The following MAOB variants were observed in gnomAD, a reference collection of about 807,000 sequenced individuals.
The protein encoded by MAOB is amine oxidase [flavin-containing] B.
In MAOB, 15 loss-of-function variants were observed where a neutral mutation model predicts 41.9. The ratio of observed to expected loss-of-function variants is 0.36; its 90% CI spans 0.24 to 0.55. The LOEUF is 0.55. Ranked by LOEUF, MAOB falls within the 20% of genes least tolerant of loss-of-function variation. MAOB has a pLI of 0.86. For synonymous variants in MAOB, 167 were observed against 144.2 expected (o/e 1.16, Z -1.13); for missense variants, 345 against 398.7 (o/e 0.87, Z 1.15).
chrX:43,779,194 T>C (rs777838473), intron 10 of MAOB, among the ~76,000 whole-genome samples: 2 of 111,898 alleles, frequency 1.8e-5, no homozygotes, highest in South Asian at 7.5e-4. Context: ...AAGAAATAAG[T>C]ACAGAAGTAG....
intron 3 of MAOB, among the ~76,000 whole-genome samples, chrX:43,823,320 G>A (rs1308411396): frequency 9.2e-6 from 1 of 108,450 alleles, no homozygotes; most frequent in Non-Finnish European, 1.9e-5. Context: ...TTACAGGTGT[G>A]TGCCACCACA....
chrX:43,879,328 G>T lies in MAOB; in HGVS notation c.46+2926C>A, dbSNP rs913566051. Among the ~76,000 whole-genome samples, 3 of 112,435 alleles carry T rather than the reference G, an allele frequency of 2.7e-5. No individual in the cohort carries two copies. The East Asian group carries it at 8.3e-4, about 31-fold the overall frequency. On this transcript the variant is annotated intron_variant, in intron 1 of 14. Transcript: ENST00000378069. ...ATCCCAAAGGGAGTGATTAAAATTTGCTGACAGCTTTAAAAATTATCAGGG... is the reference window on the plus strand; with the variant it reads ...ATCCCAAAGGGAGTGATTAAAATTTTCTGACAGCTTTAAAAATTATCAGGG...
chrX:43,810,364 A>T (rs962665179), intron 3 of MAOB, among the ~76,000 whole-genome samples: 4 of 110,312 alleles, frequency 3.6e-5, no homozygotes, highest in African/African-American at 1.3e-4. Context: ...ATGTAAATTA[A>T]TGTCACTCAC....
chrX:43,800,278 C>T (rs1324084211), intron 5 of MAOB, among the ~76,000 whole-genome samples: 2 of 110,943 alleles, frequency 1.8e-5, no homozygotes, highest in Non-Finnish European at 3.8e-5. Context: ...TAAAAGTTCT[C>T]TGAGGAGAGA....
chrX:43,783,037 A>G (rs1461397929), intron 8 of MAOB, among the ~76,000 whole-genome samples: 1 of 112,079 alleles, frequency 8.9e-6, no homozygotes, highest in African/African-American at 3.2e-5. Flanking sequence ...CCAATATCAT[A>G]CTGAATGGGC....
At chrX:43,881,646 C>T (rs1359585694) in intron 1 of MAOB, among the ~76,000 whole-genome samples, 2 of 111,947 alleles carry the variant, frequency 1.8e-5, no homozygotes, top group Non-Finnish European at 3.8e-5. Flanking sequence ...CCACCCTGCG[C>T]TAGGAGTGGG....
chrX:43,802,018 T>C (rs1244146932), intron 5 of MAOB, among the ~76,000 whole-genome samples, 154 bp downstream of exon 5: 1 of 113,009 alleles, frequency 8.8e-6, no homozygotes, highest in East Asian at 2.8e-4. Context: ...ATCTTCAGGG[T>C]AGGAGCCAAT....
At chrX:43,828,594 G>C (rs1301227692) in intron 3 of MAOB, among the ~76,000 whole-genome samples, 2 of 111,241 alleles carry the variant, frequency 1.8e-5, no homozygotes, top group African/African-American at 3.3e-5. Flanking sequence ...AGGGGAGAAG[G>C]GTTGAGGGCC....
At chrX:43,806,224 C>G (rs1302554461) in intron 3 of MAOB, among the ~76,000 whole-genome samples, 1 of 111,659 alleles carries the variant, frequency 9.0e-6, no homozygotes, top group Non-Finnish European at 1.9e-5. Context: ...TATCCACTAA[C>G]CATCCTTTTT....
chrX:43,857,540 T>C (rs888555341), intron 1 of MAOB, among the ~76,000 whole-genome samples: 1 of 110,853 alleles, frequency 9.0e-6, no homozygotes. Flanking sequence ...AAGGCTAACA[T>C]CCCCAAAGCA....
chrX:43,882,247 G>A lies in MAOB; in HGVS notation c.46+7C>T, dbSNP rs1349941803. The stretch of plus-strand genomic sequence containing the variant: ...AAGAGGAAGGAGGGCGCACAGCCGC[G>A]ACTAACCTGAGATGCCGCCCCCCAC... On this transcript the variant is annotated splice_region_variant and intron_variant, in intron 1 of 14. Coordinates refer to ENST00000378069, the MANE Select transcript of MAOB (RefSeq NM_000898.5). 3 of 1,209,098 alleles carry A rather than the reference G, an allele frequency of 2.5e-6. No individual in the cohort carries two copies. In the South Asian group the frequency reaches 5.3e-5, roughly 21 times the overall value.
chrX:43,829,032 A>G (rs766675470), intron 3 of MAOB, among the ~76,000 whole-genome samples: 6 of 111,869 alleles, frequency 5.4e-5, no homozygotes, highest in Non-Finnish European at 9.4e-5. Context: ...GAGAGCCTAA[A>G]TTATAGGTAA....
rs2034123962 is a variant in MAOB, at chrX:43,767,352, C to T, written c.*114G>A. ...AGTCAGAGTTGGATTTATCTTCATG[C>T]TCCCCGCCTCACTCCACACTATTTG... On this transcript the variant is annotated 3_prime_UTR_variant, in exon 15 of 15. Transcript: ENST00000378069. 1.5e-5 allele frequency: 11 copies of T among 735,453 alleles called. No homozygotes were observed. Among genetic ancestry groups the T allele is most frequent in the Non-Finnish European group, 1.7e-5 (9 of 514,420 alleles). 60.6% of individuals were successfully genotyped at this position (735,453 alleles called of 1,213,427 possible). A position where few individuals can be genotyped will look rare whatever the true frequency, so the allele number is the denominator to read the frequency against.
At chrX:43,864,184 T>C (rs2035350810) in intron 1 of MAOB, among the ~76,000 whole-genome samples, 1 of 111,788 alleles carries the variant, frequency 8.9e-6, no homozygotes, top group South Asian at 3.7e-4. Context: ...TATATTCATG[T>C]AAGTAAACGC....
intron 2 of MAOB, among the ~76,000 whole-genome samples, chrX:43,839,774 T>C (rs2035112008): frequency 8.9e-6 from 1 of 112,216 alleles, no homozygotes; most frequent in Non-Finnish European, 1.9e-5. Context: ...TTTTCTCAAA[T>C]AAATGAAAGA....
At chrX:43,835,896 A>G (rs2035067147) in intron 3 of MAOB, among the ~76,000 whole-genome samples, 1 of 111,890 alleles carries the variant, frequency 8.9e-6, no homozygotes, top group Admixed American at 9.5e-5. Flanking sequence ...AATGTTACTA[A>G]GGTTGCACAT....
At chrX:43,821,279 A>G (rs1273124169) in intron 3 of MAOB, among the ~76,000 whole-genome samples, 1 of 110,958 alleles carries the variant, frequency 9.0e-6, no homozygotes, top group African/African-American at 3.3e-5. Flanking sequence ...CCAAATGCTT[A>G]CCCTAGCACC....
At chrX:43,832,833 C>G (rs953985621) in intron 3 of MAOB, among the ~76,000 whole-genome samples, 6 of 111,097 alleles carry the variant, frequency 5.4e-5, no homozygotes, top group African/African-American at 2.0e-4. Flanking sequence ...AACTGTTTAT[C>G]CTACTTAAAA....
At position 43,767,721 on chromosome X, in the gene MAOB, G is replaced by A. The variant is rs5952671; in HGVS notation, c.1411-103C>T. 1,301 of 700,113 alleles carry A rather than the reference G, an allele frequency of 1.9e-3. 4 individuals are homozygous for A. Among genetic ancestry groups the A allele is most frequent in the Non-Finnish European group, 2.1e-3 (994 of 480,016 alleles). The allele number at this position is 700,113 out of a possible 1,213,427, so 57.7% of individuals were successfully genotyped here. A position where few individuals can be genotyped will look rare whatever the true frequency, so the allele number is the denominator to read the frequency against. On this transcript the variant is annotated intron_variant, in intron 14 of 14. Transcript: ENST00000378069. ...CTGAACATGACCCATTCTTGCCAACGTCTAGACCAGTAAACACGATGTTCC... is the reference window on the plus strand; with the variant it reads ...CTGAACATGACCCATTCTTGCCAACATCTAGACCAGTAAACACGATGTTCC...
Sources: allele counts gnomAD v4.1 joint callset (sites outside exome capture counted in the v4.1 genomes callset), GRCh38; gene constraint gnomAD v4.1.1; transcripts MANE v1.5; gene names NCBI Gene and HGNC (gene_info 2026-07-23, HGNC 2026-07-21).